NCBP1: variants seen among roughly 807,000 people sequenced by gnomAD.
NCBP1 encodes nuclear cap binding protein subunit 1, also known as nuclear cap-binding protein subunit 1.
In NCBP1, 16 loss-of-function variants were observed where a neutral mutation model predicts 111.7. That is an observed-to-expected ratio of 0.14 (90% CI 0.10 to 0.22). NCBP1 has a LOEUF of 0.22. NCBP1 is among the 10% of genes least tolerant of loss of function. NCBP1 has a pLI of 1.00. For missense variants in NCBP1, 607 were observed against 957.5 expected, an observed-to-expected ratio of 0.63 and a Z score of 4.83; for synonymous variants, 304 against 314.3, an observed-to-expected ratio of 0.97 and a Z score of 0.35.
Position 97,655,727 on chromosome 9 carries a change from C to T in NCBP1, c.1261C>T (p.Leu421=). 3.7e-6 allele frequency: 6 copies of T among 1,612,782 alleles called. No homozygotes were observed. The highest frequency in any genetic ancestry group is 5.1e-6 in the Non-Finnish European group (6 of 1,179,624). ...DRFINWFSHH[L]SNFQFRWSWE... ...GTTTATTAATTGGTTTTCTCATCAT[C>T]TAAGTAACTTCCAGTTCCGTTGGAG... Residue 421 remains leucine, a synonymous_variant, in exon 13 of 23, where the codon CTA becomes TTA. Transcript: ENST00000375147.
At chr9:97,642,015 A>G (rs967923585) in intron 3 of NCBP1, among the ~76,000 whole-genome samples, 1 of 152,114 alleles carries the variant, frequency 6.6e-6, no homozygotes, top group East Asian at 1.9e-4. Context: ...GGGAATTGGT[A>G]ACTCAGGTAA....
chr9:97,655,606 G>A (rs60055057), intron 12 of NCBP1, 96 bp from the exon 13 acceptor site: 34,137 of 915,292 alleles, frequency 0.037, 4,868 homozygotes, highest in African/African-American at 0.37. Flanking sequence ...ACTCTGTAAA[G>A]TCGGGTTTTA....
At chr9:97,651,034 T>A (rs1279789879) in intron 9 of NCBP1, among the ~76,000 whole-genome samples, 2 of 152,208 alleles carry the variant, frequency 1.3e-5, no homozygotes, top group Non-Finnish European at 2.9e-5. Flanking sequence ...TGATCTACTC[T>A]ATTAAAACTT....
At chr9:97,643,999 TG>T (rs2131336888) in intron 4 of NCBP1, among the ~76,000 whole-genome samples, 1 of 152,284 alleles carries the variant, frequency 6.6e-6, no homozygotes, top group African/African-American at 2.4e-5. Flanking sequence ...CTACAGTGAG[TG>T]GTCTTAAAAG....
chr9:97,641,630 C>T lies in NCBP1; in HGVS notation c.192C>T (p.Tyr64=), dbSNP rs754418172. The T allele has an allele frequency of 1.4e-5, 22 of 1,608,704 alleles. No individual in the cohort carries two copies. In the East Asian group the frequency reaches 4.0e-4, roughly 29 times the overall value. ...TTTTGGAAGCTGATCTTCCTAACTA[C>T]AAGAGCAAGATCTTAAGGCTTCTTT... ...AGVLEADLPN[Y]KSKILRLLCT... is the part of the protein sequence containing the mutation. The change falls in exon 3 of 23, where the codon TAC becomes TAT. Residue 64 remains tyrosine (Y), a synonymous_variant. Transcript: ENST00000375147.
In NCBP1 at chr9:97,633,850, C is replaced by T. The variant is rs1213213478; in HGVS notation, c.-32C>T. The stretch of plus-strand genomic sequence containing the variant: ...AGTTCCTGCAGCGCTTACCGCCTGG[C>T]CTCTCGGTTCCGCGGCGCACCGGAG... On this transcript the variant is annotated 5_prime_UTR_variant, in exon 1 of 23. Transcript: ENST00000375147. The T allele has an allele frequency of 3.2e-6, 5 of 1,571,874 alleles. No homozygotes were observed. Among genetic ancestry groups the T allele is most frequent in the Non-Finnish European group, 4.3e-6 (5 of 1,165,796 alleles).
intron 4 of NCBP1, 74 bp from the exon 5 acceptor site, chr9:97,645,043 A>T: frequency 3.5e-6 from 4 of 1,138,258 alleles, no homozygotes; most frequent in Non-Finnish European, 5.3e-6. Context: ...AGTTTAGCCT[A>T]TACAAGATTG....
chr9:97,633,997 C>G, intron 1 of NCBP1, 82 bp downstream of exon 1: 1 of 1,405,594 alleles, frequency 7.1e-7, no homozygotes, highest in Non-Finnish European at 9.5e-7. Context: ...ACGGAAGAGA[C>G]TGGAAGCTCT....
chr9:97,652,444 C>A (rs1827524607), intron 10 of NCBP1, among the ~76,000 whole-genome samples: 1 of 152,162 alleles, frequency 6.6e-6, no homozygotes. Context: ...ATGGCAAAAT[C>A]CTGTCTCCAC....
intron 15 of NCBP1, among the ~76,000 whole-genome samples, chr9:97,660,187 T>C (rs1326232208): frequency 3.3e-5 from 5 of 152,294 alleles, no homozygotes; most frequent in Admixed American, 6.5e-5. Context: ...GCAGGTGTAA[T>C]ATGACTGTCC....
intron 1 of NCBP1, among the ~76,000 whole-genome samples, chr9:97,640,284 C>CT (rs1295081588): frequency 1.3e-5 from 2 of 151,884 alleles, no homozygotes; most frequent in East Asian, 3.8e-4. Context: ...GATATGACAG[C>CT]TTTTTTTTCT....
chr9:97,662,331 G>A (rs909891444), intron 17 of NCBP1, among the ~76,000 whole-genome samples, 187 bp downstream of exon 17: 14 of 152,188 alleles, frequency 9.2e-5, no homozygotes, highest in African/African-American at 3.1e-4. Context: ...TGTTTGTACA[G>A]TTGGCATATG....
Position 97,666,791 on chromosome 9 carries a change from A to G in NCBP1, c.1930A>G (p.Thr644Ala), listed in dbSNP as rs530473497. 11 of 1,608,442 alleles carry G rather than the reference A, an allele frequency of 6.8e-6. No homozygotes were observed. Among genetic ancestry groups the G allele is most frequent in the South Asian group, 1.1e-5 (1 of 89,420 alleles). Residue 644 changes from threonine (T) to alanine (A), a missense_variant, in exon 20 of 23, where the codon ACA becomes GCA. Around this residue, in one of 9 missense-constraint regions of NCBP1, gnomAD observed 282 missense variants for 376.5 expected, o/e 0.75. Coordinates refer to ENST00000375147, the MANE Select transcript of NCBP1 (RefSeq NM_002486.5). ...RLFVWEILHSTIRKMNKHVLK... is the reference protein window; with the variant it reads ...RLFVWEILHSAIRKMNKHVLK... Reference sequence around the variant, plus strand: ...GTTTGTTTGGGAAATTTTGCACTCTACAATTCGTAAGATGAACAAACATGT... The same window carrying G: ...GTTTGTTTGGGAAATTTTGCACTCTGCAATTCGTAAGATGAACAAACATGT...
At chr9:97,664,203 T>C in intron 18 of NCBP1, 137 bp from the exon 19 acceptor site, 1 of 535,734 alleles carries the variant, frequency 1.9e-6, no homozygotes, top group Non-Finnish European at 3.4e-6. Context: ...ATGGTCAGAT[T>C]GATCAATCAA....
chr9:97,643,480 A>T (rs1223531939), intron 4 of NCBP1, 120 bp downstream of exon 4: 3 of 1,086,190 alleles, frequency 2.8e-6, no homozygotes, highest in Non-Finnish European at 3.8e-6. Flanking sequence ...TCATAGCTTC[A>T]TAAGCCACCT....
Position 97,664,333 on chromosome 9 carries a change from A to G in NCBP1, c.1798-7A>G. 1.3e-6 allele frequency: 2 copies of G among 1,569,064 alleles called. No individual in the cohort carries two copies. The highest frequency in any genetic ancestry group is 1.8e-6 in the Non-Finnish European group (2 of 1,140,280). On this transcript the variant is annotated splice_region_variant and splice_polypyrimidine_tract_variant and intron_variant, in intron 18 of 22. Transcript: ENST00000375147. ...TGTGATTTACTTGAATAATTCTCTCATTGTAGATGATTGCTGTACTAGTGG... is the reference window on the plus strand; with the variant it reads ...TGTGATTTACTTGAATAATTCTCTCGTTGTAGATGATTGCTGTACTAGTGG...
rs1827377377 is a variant in NCBP1, at chr9:97,647,516, C to T, written c.636C>T (p.Pro212=). Residue 212 remains proline (P), a synonymous_variant, in exon 7 of 23, where the codon CCC becomes CCT. Transcript: ENST00000375147. ...GAAGACGCCAAAAGACTCATGTACC[C>T]ATGTTACAGGTATGGACTGCTGATA... ...YLKRRQKTHV[P]MLQVWTADKP... 2 of 1,612,856 alleles carry T rather than the reference C, an allele frequency of 1.2e-6. No homozygotes were observed. The highest frequency in any genetic ancestry group is 1.7e-5 in the Admixed American group (1 of 59,980).
intron 1 of NCBP1, 116 bp from the exon 2 acceptor site, chr9:97,640,678 C>T (rs1201080627): frequency 2.7e-6 from 2 of 753,764 alleles, no homozygotes; most frequent in Non-Finnish European, 4.3e-6. Flanking sequence ...TGAAGAGCTT[C>T]TACTCTGTAA....
At chr9:97,656,136 T>C in intron 14 of NCBP1, 51 bp downstream of exon 14, 1 of 1,400,512 alleles carries the variant, frequency 7.1e-7, no homozygotes, top group African/African-American at 1.4e-5. Context: ...GATTTCTTTC[T>C]CTTCTCTGCA....
Sources: allele counts gnomAD v4.1 joint callset (sites outside exome capture counted in the v4.1 genomes callset), GRCh38; gene constraint gnomAD v4.1.1; regional missense constraint gnomAD v4.1.1; transcripts MANE v1.5; gene names NCBI Gene and HGNC (gene_info 2026-07-23, HGNC 2026-07-21).